SYNJ2: variants seen among roughly 807,000 people sequenced by gnomAD.
SYNJ2 encodes the protein polyphosphatidylinositol phosphatase SYNJ2.
A neutral mutation model predicts 141.3 loss-of-function variants in SYNJ2; 116 were observed. The ratio of observed to expected loss-of-function variants is 0.82; its 90% CI spans 0.71 to 0.96. SYNJ2 has a LOEUF of 0.96. Among genes scored for constraint, SYNJ2 ranks in the 40% least tolerant of loss-of-function variants. SYNJ2 has a pLI of 0.00. For missense variants in SYNJ2, 1,873 were observed against 1,934.8 expected (o/e 0.97, Z 0.60); for synonymous variants, 745 against 777.7 (o/e 0.96, Z 0.70).
intron 6 of SYNJ2, among the ~76,000 whole-genome samples, chr6:158,056,210 T>C (rs757741549): frequency 6.6e-6 from 1 of 152,192 alleles, no homozygotes; most frequent in Non-Finnish European, 1.5e-5. Flanking sequence ...TACATACATC[T>C]AGTTGAAGCA....
At chr6:158,037,647 C>G (rs546189634) in intron 4 of SYNJ2, among the ~76,000 whole-genome samples, 1 of 152,004 alleles carries the variant, frequency 6.6e-6, no homozygotes, top group Non-Finnish European at 1.5e-5. Context: ...GTGATCTGCC[C>G]GCCTCGGCCT....
At chr6:158,077,935 G>A in intron 17 of SYNJ2, 2 of 344,664 alleles carry the variant, frequency 5.8e-6, no homozygotes, top group Non-Finnish European at 1.1e-5. Context: ...TGCTGGCGAG[G>A]ACTGCAGGCA....
At chr6:157,981,623 T>G (rs1006920763), upstream of SYNJ2, among the ~76,000 whole-genome samples, 4 of 151,624 alleles carry the variant, frequency 2.6e-5, no homozygotes, top group Non-Finnish European at 5.9e-5. The surrounding 1 kb of genome is among the most constrained non-coding windows in gnomAD (Gnocchi z 6.4). Flanking sequence ...GGCATCCTCC[T>G]CCGCAGCGAG....
At chr6:158,072,486 A>G (rs929937148) in intron 15 of SYNJ2, among the ~76,000 whole-genome samples, 2 of 152,180 alleles carry the variant, frequency 1.3e-5, no homozygotes, top group Non-Finnish European at 2.9e-5. Context: ...CGAAGTGAGG[A>G]TAGACTTCAG....
Position 158,027,591 on chromosome 6 carries a change from A to G in SYNJ2, c.215-1165A>G, listed in dbSNP as rs1309359927. The G allele has an allele frequency of 6.6e-6, 1 of 152,084 alleles. No individual in the cohort carries two copies. Among genetic ancestry groups the G allele is most frequent in the Non-Finnish European group, 1.5e-5 (1 of 68,026 alleles). 9.4% of individuals were successfully genotyped at this position (152,084 alleles called of 1,614,324 possible). The stretch of plus-strand genomic sequence containing the variant: ...GGTCGTCTTGGTAGCATTTGGCAGG[A>G]ATTTATTTAGGAAGCATTCAGCAAA... On this transcript the variant is annotated intron_variant, in intron 2 of 26. Coordinates refer to ENST00000355585, the MANE Select transcript of SYNJ2 (RefSeq NM_003898.4). The surrounding 1 kb of genome is among the most constrained non-coding windows in gnomAD (Gnocchi z 4.6).
intron 1 of SYNJ2, among the ~76,000 whole-genome samples, chr6:157,983,870 T>A (rs1562304305): frequency 6.6e-6 from 1 of 152,092 alleles, no homozygotes; most frequent in South Asian, 2.1e-4. Flanking sequence ...TTCTGTTGCC[T>A]AGGCTGGCAT....
At position 158,093,077 on chromosome 6, in the gene SYNJ2, G is replaced by A. The variant is rs1783572794; in HGVS notation, c.3717G>A (p.Lys1239=). ...RRPPPRVPAI[K]KPTLRRTGKP... The stretch of plus-strand genomic sequence containing the variant: ...CCCCACCCAGAGTTCCTGCCATCAA[G>A]AAGCCAACCTTGAGAAGGACAGGAA... Residue 1239 remains lysine (K), a synonymous_variant, in exon 26 of 27, where the codon AAG becomes AAA. Transcript: ENST00000355585. The A allele has an allele frequency of 6.2e-7, 1 of 1,609,150 alleles. No homozygotes were observed. The highest frequency in any genetic ancestry group is 1.3e-5 in the African/African-American group (1 of 74,392).
intron 7 of SYNJ2, chr6:158,059,598 A>T: frequency 4.2e-6 from 5 of 1,188,622 alleles, no homozygotes; most frequent in Non-Finnish European, 5.3e-6. Context: ...CTTGTCGCTC[A>T]GGCTGGAGTG....
In SYNJ2 at chr6:158,043,224, T is replaced by C; in HGVS notation, c.712-92T>C. 9.1e-7 allele frequency: 1 copy of C among 1,096,810 alleles called. No homozygotes were observed. Among genetic ancestry groups the C allele is most frequent in the Non-Finnish European group, 1.4e-6 (1 of 731,382 alleles). The allele number at this position is 1,096,810 out of a possible 1,614,324, so 67.9% of individuals were successfully genotyped here. A position where few individuals can be genotyped will look rare whatever the true frequency, so the allele number is the denominator to read the frequency against. On this transcript the variant is annotated intron_variant, in intron 4 of 26. Transcript: ENST00000355585. The surrounding 1 kb of genome is among the most constrained non-coding windows in gnomAD (Gnocchi z 4.0). ...CGTCCGCCCTTCATTCTGGCTGGTG[T>C]CGGGTCACAGGTGGCCGGATCCCGT...
At chr6:158,050,872 TC>T (rs1780528972) in intron 5 of SYNJ2, among the ~76,000 whole-genome samples, 1 of 152,108 alleles carries the variant, frequency 6.6e-6, no homozygotes. Context: ...TGGTTAGGTG[TC>T]ATCACCCAGG....
intron 4 of SYNJ2, among the ~76,000 whole-genome samples, chr6:158,034,308 T>C (rs1205817657): frequency 6.6e-6 from 1 of 152,190 alleles, no homozygotes; most frequent in Non-Finnish European, 1.5e-5. Flanking sequence ...AAGGCCACCA[T>C]GTGGAATACA....
chr6:157,998,437 T>C lies in SYNJ2; in HGVS notation c.127+16349T>C, dbSNP rs146405296. ...AAGGTCATTTTTACCATGAGCAATG[T>C]TGTCTAGTAACAGAGTTGACGTTCC... is the stretch of plus-strand genomic sequence containing the variant. On this transcript the variant is annotated intron_variant, in intron 1 of 26. Coordinates refer to ENST00000355585, the MANE Select transcript of SYNJ2 (RefSeq NM_003898.4). Among the ~76,000 whole-genome samples, 378 of 152,346 alleles carry C rather than the reference T, an allele frequency of 2.5e-3. 3 individuals are homozygous for C. Among genetic ancestry groups the C allele is most frequent in the African/African-American group, 7.9e-3 (329 of 41,576 alleles).
At position 158,033,594 on chromosome 6, in the gene SYNJ2, G is replaced by T. The variant is rs759832201; in HGVS notation, c.625G>T (p.Val209Phe). The T allele has an allele frequency of 1.2e-6, 2 of 1,613,964 alleles. No individual in the cohort carries two copies. ...KQAKACLVSR[V>F]SCERTGTRFH... is the part of the protein sequence containing the mutation. Reference sequence around the variant, plus strand: ...GGCCAAGGCCTGCCTCGTCTCTCGCGTTAGCTGTGAGCGCACAGGCACTCG... The same window carrying T: ...GGCCAAGGCCTGCCTCGTCTCTCGCTTTAGCTGTGAGCGCACAGGCACTCG... The change falls in exon 4 of 27, where the codon GTT becomes TTT. Residue 209 changes from valine (V) to phenylalanine (F), a missense_variant. Physicochemically the swap from Val to Phe is conservative, Grantham distance 50. Transcript: ENST00000355585.
chr6:158,017,475 C>T (rs1487133237), intron 2 of SYNJ2, 185 bp downstream of exon 2: 10 of 822,144 alleles, frequency 1.2e-5, no homozygotes, highest in East Asian at 9.0e-5. Flanking sequence ...AGTGCAATGG[C>T]GCGATCTCGG....
At chr6:158,045,814 G>A (rs1227612045) in intron 5 of SYNJ2, among the ~76,000 whole-genome samples, 1 of 152,222 alleles carries the variant, frequency 6.6e-6, no homozygotes, top group East Asian at 1.9e-4. Flanking sequence ...TGGGATGACT[G>A]TGCCTTGGTC....
rs573156542 is a variant in SYNJ2, at chr6:158,050,050, A to G, written c.796-4917A>G. Among the ~76,000 whole-genome samples, 12 of 152,346 alleles carry G rather than the reference A, an allele frequency of 7.9e-5. No individual in the cohort carries two copies. The East Asian group carries it at 2.3e-3, about 29-fold the overall frequency. On this transcript the variant is annotated intron_variant, in intron 5 of 26. Coordinates refer to ENST00000355585, the MANE Select transcript of SYNJ2 (RefSeq NM_003898.4). ...TGTGGACAGGGCTCTGCAGGTGTGC[A>G]TGCAGCTCTACAGGTGTGGATGCAC...
At position 158,017,375 on chromosome 6, in the gene SYNJ2, A is replaced by G; in HGVS notation, c.214+85A>G. 7 of 1,326,614 alleles carry G rather than the reference A, an allele frequency of 5.3e-6. No individual in the cohort carries two copies. The South Asian group carries it at 7.4e-5, about 14-fold the overall frequency. The allele number at this position is 1,326,614 out of a possible 1,614,324, so 82.2% of individuals were successfully genotyped here. ...TGTCGGAAGGGGCCTCAGTGCAGGC[A>G]TTCTGTTTGACCGCTCTTCTCTCTC... On this transcript the variant is annotated intron_variant, in intron 2 of 26. Coordinates refer to ENST00000355585, the MANE Select transcript of SYNJ2 (RefSeq NM_003898.4).
chr6:158,062,846 G>A (rs1225407321), intron 8 of SYNJ2, among the ~76,000 whole-genome samples: 1 of 152,068 alleles, frequency 6.6e-6, no homozygotes, highest in Non-Finnish European at 1.5e-5. Context: ...TGGGGTCTTT[G>A]TTAGGGGCCC....
intron 20 of SYNJ2, 108 bp downstream of exon 20, chr6:158,081,618 T>C: frequency 2.3e-6 from 1 of 443,704 alleles, no homozygotes; most frequent in Non-Finnish European, 3.6e-6. Context: ...TTTTTTTTTT[T>C]TTTTTTTTTT....
Sources: gnomAD v4.1 joint callset for allele counts (sites outside exome capture counted in the v4.1 genomes callset) on GRCh38, gnomAD v4.1.1 for gene constraint, Gnocchi (gnomAD v3.1) non-coding constraint, MANE v1.5 for transcripts, NCBI Gene and HGNC (gene_info 2026-07-23, HGNC 2026-07-21) for gene names.